Variants in IAH1 observed in about 807,000 individuals in gnomAD.
IAH1 encodes the protein isoamyl acetate hydrolyzing esterase 1 (putative), also known as isoamyl acetate-hydrolyzing esterase 1 homolog.
IAH1 carries 24 observed loss-of-function variants against 26.7 expected under a neutral mutation model. That is an observed-to-expected ratio of 0.90 (90% CI 0.65 to 1.26). The LOEUF is 1.26. IAH1 is among the 50% of genes most tolerant of loss of function. The pLI, the probability that IAH1 is intolerant of heterozygous loss-of-function variation, is 0.00. For missense variants in IAH1, 300 were observed against 299.9 expected (o/e 1.00, Z 0.00); for synonymous variants, 140 against 118.5 (o/e 1.18, Z -1.18).
chr2:9,478,582 A>G (rs1346236928), intron 3 of IAH1, among the ~76,000 whole-genome samples: 1 of 152,194 alleles, frequency 6.6e-6, no homozygotes, highest in African/African-American at 2.4e-5. Flanking sequence ...GGCAGTCCTA[A>G]TCTTGCAAAC....
At chr2:9,479,795 C>CTTTTTTTTTGTT (rs1661051408) in intron 3 of IAH1, among the ~76,000 whole-genome samples, 1 of 69,848 alleles carries the variant, frequency 1.4e-5, no homozygotes, top group African/African-American at 5.3e-5. Flanking sequence ...CTGTGTATTG[C>CTTTTTTTTTGTT]TTTTTTTTTT....
At chr2:9,501,701 C>T in the IAH1 span, among the ~76,000 whole-genome samples, 1 of 152,154 alleles carries the variant, frequency 6.6e-6, no homozygotes, top group Admixed American at 6.5e-5. Flanking sequence ...CATTCATTAT[C>T]CCAAGATTGT....
At chr2:9,499,521 C>A (rs1662872991), downstream of IAH1, among the ~76,000 whole-genome samples, 1 of 152,104 alleles carries the variant, frequency 6.6e-6, no homozygotes, top group Admixed American at 6.5e-5. Context: ...CCTGCCTCAG[C>A]CTCCCAAGTA....
chr2:9,492,994 C>T (rs968011209), downstream of IAH1: 14 of 1,602,904 alleles, frequency 8.7e-6, no homozygotes, highest in Non-Finnish European at 1.2e-5. Flanking sequence ...TTCCTGTGAA[C>T]AATTCCAAAC....
At position 9,474,844 on chromosome 2, in the gene IAH1, A is replaced by T; in HGVS notation, c.81+197A>T. 3.9e-6 allele frequency: 2 copies of T among 516,784 alleles called. No homozygotes were observed. The highest frequency in any genetic ancestry group is 6.0e-6 in the Non-Finnish European group (2 of 333,780). 32.0% of individuals were successfully genotyped at this position (516,784 alleles called of 1,614,324 possible). A position where few individuals can be genotyped will look rare whatever the true frequency, so the allele number is the denominator to read the frequency against. On this transcript the variant is annotated intron_variant, in intron 1 of 5. Coordinates refer to ENST00000497473, the MANE Select transcript of IAH1 (RefSeq NM_001039613.3). The surrounding 1 kb of genome is among the most constrained non-coding windows in gnomAD (Gnocchi z 4.3). ...CCGGGCCCGCGGCGTCCCGGAGGTC[A>T]CGACGGCGTCCGCGAGAGCCCGGGC...
At position 9,481,441 on chromosome 2, in the gene IAH1, A is replaced by C. The variant is rs1250222532; in HGVS notation, c.439A>C (p.Ile147Leu). The change falls in exon 4 of 6, where the codon ATA becomes CTA. Residue 147 changes from isoleucine (I) to leucine (L), a missense_variant. By Grantham distance (5) the Ile-to-Leu change is conservative. Transcript: ENST00000497473. ...AACAGCCTGGGAAGAACAGTGCATC[A>C]TACAAGGTAAACAAACCACAGCCAA... ...CETAWEEQCI[I>L]QGCKLNRLNS... 1 of 1,614,164 alleles carries C rather than the reference A, an allele frequency of 6.2e-7. No individual in the cohort carries two copies.
chr2:9,498,227 C>T (rs1662764722), downstream of IAH1, among the ~76,000 whole-genome samples: 1 of 152,058 alleles, frequency 6.6e-6, no homozygotes, highest in Admixed American at 6.6e-5. Context: ...GAGACGAGAT[C>T]TCCCTGTGTT....
chr2:9,494,252 C>T (rs12475630), downstream of IAH1, among the ~76,000 whole-genome samples: 34,856 of 152,156 alleles, frequency 0.23, 4,757 homozygotes, highest in Middle Eastern at 0.32. Flanking sequence ...GTAAGTCAAG[C>T]AGCCTTCTAG....
the IAH1 span, among the ~76,000 whole-genome samples, chr2:9,510,588 CA>C: frequency 8.0e-4 from 122 of 151,948 alleles, no homozygotes; most frequent in Non-Finnish European, 1.6e-3. Context: ...TGCTTGAACC[CA>C]GGGGGCGGAG....
upstream of IAH1, among the ~76,000 whole-genome samples, chr2:9,474,340 C>T (rs1322345446): frequency 1.3e-5 from 2 of 152,266 alleles, no homozygotes; most frequent in Non-Finnish European, 2.9e-5. This position sits in a 1 kb window ranked among gnomAD's most constrained non-coding sequence, Gnocchi z 4.3. Flanking sequence ...TTCCGGGAAC[C>T]ACGCAGCGGG....
chr2:9,495,720 A>AAG (rs1454485207), intron 6 of IAH1, among the ~76,000 whole-genome samples: 1 of 151,800 alleles, frequency 6.6e-6, no homozygotes, highest in Non-Finnish European at 1.5e-5. Context: ...TCAAAAAAAA[A>AAG]AAAAGAAAAC....
the IAH1 span, among the ~76,000 whole-genome samples, chr2:9,511,319 G>A: frequency 7.2e-5 from 11 of 152,080 alleles, no homozygotes; most frequent in East Asian, 5.8e-4. Context: ...GTGTGGTGGC[G>A]CACGCCTGTA....
Position 9,489,634 on chromosome 2 carries a change from C to A in IAH1, c.*1305C>A, listed in dbSNP as rs895520079. The A allele has an allele frequency of 2.0e-5, 3 of 148,360 alleles. No individual in the cohort carries two copies. The highest frequency in any genetic ancestry group is 6.9e-5 in the Admixed American group (1 of 14,548). The allele number at this position is 148,360 out of a possible 1,614,324, so 9.2% of individuals were successfully genotyped here. ...TAAATTTAGATATATATTTTCCCTG[C>A]TACATAAAAACTCTGGGTAATAACT... On this transcript the variant is annotated 3_prime_UTR_variant, in exon 6 of 6. Coordinates refer to ENST00000497473, the MANE Select transcript of IAH1 (RefSeq NM_001039613.3).
chr2:9,495,154 C>T (rs1297961107), intron 6 of IAH1, among the ~76,000 whole-genome samples: 7 of 152,342 alleles, frequency 4.6e-5, no homozygotes, highest in African/African-American at 1.7e-4. Context: ...CCCCTCAGGG[C>T]CCACACTGGC....
the IAH1 span, among the ~76,000 whole-genome samples, chr2:9,510,694 T>C: frequency 8.7e-5 from 13 of 149,302 alleles, no homozygotes; most frequent in African/African-American, 3.2e-4. Flanking sequence ...TAGCCAGGCA[T>C]GGTGGTGCAC....
At chr2:9,479,232 G>T (rs1661008516) in intron 3 of IAH1, among the ~76,000 whole-genome samples, 1 of 152,044 alleles carries the variant, frequency 6.6e-6, no homozygotes, top group African/African-American at 2.4e-5. Context: ...ACTCAAAACA[G>T]AATTTTTTAA....
At chr2:9,479,287 CTAAGTA>C (rs76145170) in intron 3 of IAH1, among the ~76,000 whole-genome samples, 13,653 of 151,876 alleles carry the variant, frequency 0.09, 683 homozygotes, top group African/African-American at 0.14. Flanking sequence ...AAAACACTTC[CTAAGTA>C]TAAGAGCAGT....
chr2:9,474,557 C>T lies in IAH1; in HGVS notation c.-10C>T, dbSNP rs968662082. On this transcript the variant is annotated 5_prime_UTR_variant, in exon 1 of 6. Transcript: ENST00000497473. This position sits in a 1 kb window ranked among gnomAD's most constrained non-coding sequence, Gnocchi z 4.3. ...GCTGGCGGCCCCGCCCCGCCCCGCC[C>T]GGCTGCTCCATGGCGCTGTGCGAGG... The T allele has an allele frequency of 9.5e-6, 14 of 1,481,352 alleles. No homozygotes were observed. Among genetic ancestry groups the T allele is most frequent in the African/African-American group, 5.8e-5 (4 of 68,546 alleles). 91.8% of individuals were successfully genotyped at this position (1,481,352 alleles called of 1,614,324 possible).
At chr2:9,508,293 A>G in the IAH1 span, among the ~76,000 whole-genome samples, 1 of 152,216 alleles carries the variant, frequency 6.6e-6, no homozygotes, top group African/African-American at 2.4e-5. Context: ...ACAGGATGGT[A>G]TCATGAATGC....
Sources: allele counts gnomAD v4.1 joint callset (sites outside exome capture counted in the v4.1 genomes callset), GRCh38; gene constraint gnomAD v4.1.1; non-coding constraint Gnocchi (gnomAD v3.1); transcripts MANE v1.5; gene names NCBI Gene and HGNC (gene_info 2026-07-23, HGNC 2026-07-21).